Variants in MAGI3 observed in about 807,000 individuals in gnomAD.
MAGI3 encodes the protein membrane-associated guanylate kinase, WW and PDZ domain-containing protein 3.
A neutral mutation model predicts 121.8 loss-of-function variants in MAGI3; 43 were observed. That is an observed-to-expected ratio of 0.35 (90% CI 0.28 to 0.46). The LOEUF (loss-of-function observed/expected upper bound fraction) is 0.46. Ranked by LOEUF, MAGI3 falls within the 20% of genes least tolerant of loss-of-function variation. The probability of loss-of-function intolerance (pLI) is 1.00; values close to 1 mark genes in which losing one functional copy is unlikely to be tolerated. For missense variants in MAGI3, 1,547 were observed against 1,797.3 expected, an observed-to-expected ratio of 0.86 and a Z score of 2.52; for synonymous variants, 553 against 639.3, an observed-to-expected ratio of 0.86 and a Z score of 2.04.
intron 1 of MAGI3, among the ~76,000 whole-genome samples, chr1:113,511,342 C>T (rs1013386463): frequency 2.0e-5 from 3 of 152,064 alleles, no homozygotes; most frequent in Non-Finnish European, 4.4e-5. Flanking sequence ...AGTTAAATAG[C>T]CCAAGAGAGT....
At chr1:113,621,387 G>A (rs1296317801) in intron 8 of MAGI3, among the ~76,000 whole-genome samples, 1 of 152,080 alleles carries the variant, frequency 6.6e-6, no homozygotes, top group Non-Finnish European at 1.5e-5. Flanking sequence ...ACAGTAGGGA[G>A]GTCATTAGTC....
chr1:113,632,796 C>T (rs1651716735), intron 9 of MAGI3, among the ~76,000 whole-genome samples: 1 of 152,148 alleles, frequency 6.6e-6, no homozygotes. Context: ...AAAATACACT[C>T]ATAAATTAAC....
chr1:113,475,265 C>T (rs1462638407), intron 1 of MAGI3, among the ~76,000 whole-genome samples: 1 of 152,160 alleles, frequency 6.6e-6, no homozygotes, highest in Non-Finnish European at 1.5e-5. Flanking sequence ...CCAGAACTTC[C>T]AACACTGTGT....
intron 1 of MAGI3, among the ~76,000 whole-genome samples, chr1:113,510,255 G>A (rs945066572): frequency 6.6e-6 from 1 of 151,400 alleles, no homozygotes; most frequent in Non-Finnish European, 1.5e-5. Context: ...TAACAGAAAT[G>A]TTATAAGTAT....
At chr1:113,441,648 A>G (rs1197674795) in intron 1 of MAGI3, among the ~76,000 whole-genome samples, 1 of 152,152 alleles carries the variant, frequency 6.6e-6, no homozygotes, top group Non-Finnish European at 1.5e-5. Flanking sequence ...TGAATGACCT[A>G]TGTTTGGGTT....
intron 4 of MAGI3, 50 bp from the exon 5 acceptor site, chr1:113,590,434 G>T: frequency 2.5e-6 from 4 of 1,577,760 alleles, no homozygotes; most frequent in South Asian, 1.1e-5. Context: ...GTTTGAAGAA[G>T]AATATAACTT....
Position 113,545,375 on chromosome 1 carries a change from G to A in MAGI3, c.317-4140G>A, listed in dbSNP as rs529339935. 3.9e-5 allele frequency among the ~76,000 whole-genome samples: 6 copies of A among 152,040 alleles called. No homozygotes were observed. In the East Asian group the frequency reaches 1.2e-3, roughly 29 times the overall value. ...GTTGTATAATTGCTATTGGATTAGA[G>A]AATAGTAAAGACATGTTGTATCTTG... On this transcript the variant is annotated intron_variant, in intron 1 of 20. Transcript: ENST00000307546.
At chr1:113,553,522 T>C (rs1339906404) in intron 2 of MAGI3, among the ~76,000 whole-genome samples, 2 of 152,190 alleles carry the variant, frequency 1.3e-5, no homozygotes, top group African/African-American at 4.8e-5. Flanking sequence ...ATTTGAGTTC[T>C]AATCAGCTTG....
chr1:113,471,067 C>CTCAA (rs968609035), intron 1 of MAGI3, among the ~76,000 whole-genome samples: 8 of 152,066 alleles, frequency 5.3e-5, no homozygotes, highest in African/African-American at 1.9e-4. Context: ...CGTCTTTAGT[C>CTCAA]CATTTGAGTT....
intron 1 of MAGI3, among the ~76,000 whole-genome samples, chr1:113,406,090 T>A (rs1339776900): frequency 6.6e-6 from 1 of 151,828 alleles, no homozygotes; most frequent in Non-Finnish European, 1.5e-5. Flanking sequence ...TTTTAGAGAT[T>A]TGAACTGGAT....
chr1:113,636,787 G>A (rs9429523), intron 9 of MAGI3, among the ~76,000 whole-genome samples: 107,233 of 145,874 alleles, frequency 0.74, 39,799 homozygotes, highest in African/African-American at 0.84. Flanking sequence ...TATCCTTGTT[G>A]ACTTTCTGTC....
At chr1:113,451,826 A>G (rs1654499679) in intron 1 of MAGI3, among the ~76,000 whole-genome samples, 1 of 152,204 alleles carries the variant, frequency 6.6e-6, no homozygotes, top group Admixed American at 6.5e-5. Context: ...GTAGAAATAA[A>G]TGTGATGTTA....
chr1:113,453,875 G>A (rs1023692034), intron 1 of MAGI3, among the ~76,000 whole-genome samples: 6 of 152,244 alleles, frequency 3.9e-5, no homozygotes, highest in Non-Finnish European at 7.3e-5. Context: ...CAGAGCTGGT[G>A]CACTTAACCA....
chr1:113,555,199 C>G (rs967840913), intron 2 of MAGI3, among the ~76,000 whole-genome samples: 1 of 150,152 alleles, frequency 6.7e-6, no homozygotes, highest in Non-Finnish European at 1.5e-5. Flanking sequence ...AATTTTCAGA[C>G]AAAAAGTGAA....
chr1:113,594,787 T>A (rs1431997201), intron 6 of MAGI3, among the ~76,000 whole-genome samples: 1 of 152,186 alleles, frequency 6.6e-6, no homozygotes, highest in Non-Finnish European at 1.5e-5. Flanking sequence ...CTATAAAAAA[T>A]AACAACAACA....
intron 1 of MAGI3, among the ~76,000 whole-genome samples, chr1:113,416,921 G>A (rs568108387): frequency 6.6e-6 from 1 of 151,920 alleles, no homozygotes; most frequent in Non-Finnish European, 1.5e-5. Context: ...ACTATAAATA[G>A]TAAGGGTGAT....
chr1:113,397,738 T>C (rs1246278992), intron 1 of MAGI3, among the ~76,000 whole-genome samples: 1 of 152,146 alleles, frequency 6.6e-6, no homozygotes, highest in East Asian at 1.9e-4. Context: ...GAAATAATGC[T>C]CTAAGGTGCT....
At chr1:113,507,220 G>A (rs1394429472) in intron 1 of MAGI3, among the ~76,000 whole-genome samples, 1 of 152,112 alleles carries the variant, frequency 6.6e-6, no homozygotes, top group African/African-American at 2.4e-5. Flanking sequence ...ACACTATGAG[G>A]TAGCTGCTGT....
At chr1:113,597,383 T>C (rs1428114345) in intron 6 of MAGI3, among the ~76,000 whole-genome samples, 1 of 152,180 alleles carries the variant, frequency 6.6e-6, no homozygotes, top group African/African-American at 2.4e-5. Flanking sequence ...TAAAACTGGA[T>C]TGTGGTGATG....
Sources: allele counts gnomAD v4.1 joint callset (sites outside exome capture counted in the v4.1 genomes callset), GRCh38; gene constraint gnomAD v4.1.1; transcripts MANE v1.5; gene names NCBI Gene and HGNC (gene_info 2026-07-23, HGNC 2026-07-21).